RAVER1: variants seen among roughly 807,000 people sequenced by gnomAD.
RAVER1 encodes ribonucleoprotein, PTB binding 1, also known as ribonucleoprotein PTB-binding 1.
In RAVER1, 36 loss-of-function variants were observed where a neutral mutation model predicts 68.4. The ratio of observed to expected loss-of-function variants is 0.53; its 90% confidence interval spans 0.40 to 0.70. The LOEUF (loss-of-function observed/expected upper bound fraction) is 0.70. Ranked by LOEUF, RAVER1 falls within the 30% of genes least tolerant of loss-of-function variation. The pLI is 0.00. For synonymous variants in RAVER1, 469 were observed against 472.7 expected (o/e 0.99, Z 0.10); for missense variants, 933 against 1,019.8 (o/e 0.91, Z 1.16).
In RAVER1 at chr19:10,323,109, T is replaced by C. The variant is rs752633636; in HGVS notation, c.1078+36A>G. The C allele has an allele frequency of 6.6e-7, 1 of 1,518,004 alleles. No homozygotes were observed. The highest frequency in any genetic ancestry group is 8.9e-7 in the Non-Finnish European group (1 of 1,127,686). 94.0% of individuals were successfully genotyped at this position (1,518,004 alleles called of 1,614,324 possible). A position where few individuals can be genotyped will look rare whatever the true frequency, so the allele number is the denominator to read the frequency against. On this transcript the variant is annotated intron_variant, in intron 5 of 12. Coordinates refer to ENST00000617231, the MANE Select transcript of RAVER1 (RefSeq NM_133452.3). The surrounding 1 kb of genome is among the most constrained non-coding windows in gnomAD (Gnocchi z 6.2). ...CCGGGGGCAGCGCTGCAGCCCCTGTTCTGCACAGTGGGGCCCCTGTCCAGC... is the reference window on the plus strand; with the variant it reads ...CCGGGGGCAGCGCTGCAGCCCCTGTCCTGCACAGTGGGGCCCCTGTCCAGC...
rs758149546 is a variant in RAVER1 at position 10,322,638 on chromosome 19, G to A, written c.1173+7C>T. On this transcript the variant is annotated splice_region_variant and intron_variant, in intron 6 of 12. Coordinates refer to ENST00000617231, the MANE Select transcript of RAVER1 (RefSeq NM_133452.3). The surrounding 1 kb of genome is among the most constrained non-coding windows in gnomAD (Gnocchi z 4.3). ...AGAGCAGTGGGTGAGGGGGATGCGT[G>A]TGTTACCTTCTGGCCCTGGGTCTGC... 2 of 1,532,912 alleles carry A rather than the reference G, an allele frequency of 1.3e-6. No homozygotes were observed. Among genetic ancestry groups the A allele is most frequent in the East Asian group, 2.6e-5 (1 of 38,778 alleles). 95.0% of individuals were successfully genotyped at this position (1,532,912 alleles called of 1,614,324 possible).
Position 10,322,792 on chromosome 19 carries a change from A to G in RAVER1, c.1079-53T>C. ...GGGGTCCCTGTGTCCTCCCTGCCCCACCTCACGAAACACAGCCCTGAACCC... is the reference window on the plus strand; with the variant it reads ...GGGGTCCCTGTGTCCTCCCTGCCCCGCCTCACGAAACACAGCCCTGAACCC... On this transcript the variant is annotated intron_variant, in intron 5 of 12. Coordinates refer to ENST00000617231, the MANE Select transcript of RAVER1 (RefSeq NM_133452.3). The surrounding 1 kb of genome is among the most constrained non-coding windows in gnomAD (Gnocchi z 4.3). 9.3e-7 allele frequency: 1 copy of G among 1,073,516 alleles called. No individual in the cohort carries two copies. The highest frequency in any genetic ancestry group is 1.3e-6 in the Non-Finnish European group (1 of 783,580). 66.5% of individuals were successfully genotyped at this position (1,073,516 alleles called of 1,614,324 possible).
At chr19:10,325,323 C>G (rs958218627) in intron 3 of RAVER1, among the ~76,000 whole-genome samples, 4 of 152,206 alleles carry the variant, frequency 2.6e-5, no homozygotes, top group Non-Finnish European at 4.4e-5. Flanking sequence ...CTCCCAGGTT[C>G]AGGTGATTCT....
chr19:10,319,215 G>A lies in RAVER1; in HGVS notation c.1796C>T (p.Ser599Phe). 6.2e-7 allele frequency: 1 copy of A among 1,613,836 alleles called. No homozygotes were observed. Among genetic ancestry groups the A allele is most frequent in the Non-Finnish European group, 8.5e-7 (1 of 1,179,752 alleles). Residue 599 changes from serine to phenylalanine, a missense_variant, in exon 10 of 13, where the codon TCC (serine) becomes TTC (phenylalanine). Coordinates refer to ENST00000617231, the MANE Select transcript of RAVER1 (RefSeq NM_133452.3). ...CCCAAGGGCTGGTTCCCGTGGGTGGGAGAAGAGCCGCCGAGGTCCCATGTC... is the reference window on the plus strand; with the variant it reads ...CCCAAGGGCTGGTTCCCGTGGGTGGAAGAAGAGCCGCCGAGGTCCCATGTC... ...PSDMGPRRLF[S>F]HPREPALGPH...
intron 3 of RAVER1, among the ~76,000 whole-genome samples, chr19:10,327,979 T>C (rs2040486638): frequency 6.6e-6 from 1 of 151,486 alleles, no homozygotes; most frequent in Non-Finnish European, 1.5e-5. Context: ...ATTGAGTCCC[T>C]GCTTATGGAG....
Position 10,321,549 on chromosome 19 carries a change from G to C in RAVER1, c.1243C>G (p.Leu415Val), listed in dbSNP as rs372761098. 3.6e-5 allele frequency: 49 copies of C among 1,366,746 alleles called. No homozygotes were observed. In the African/African-American group the frequency reaches 7.0e-4, roughly 20 times the overall value. 84.7% of individuals were successfully genotyped at this position (1,366,746 alleles called of 1,614,324 possible). The change falls in exon 7 of 13, where the codon CTC becomes GTC. Residue 415 changes from leucine to valine, a missense_variant. Transcript: ENST00000617231. ...QPGAQPANPL[L>V]GELPAGGGLP... ...GCGTTACCTGCAGGCAGCTCCCCGAGGAGGGGGTTGGCTGGCTGGGCCCCA... is the reference window on the plus strand; with the variant it reads ...GCGTTACCTGCAGGCAGCTCCCCGACGAGGGGGTTGGCTGGCTGGGCCCCA...
At position 10,323,528 on chromosome 19, in the gene RAVER1, C is replaced by T. The variant is rs538462353; in HGVS notation, c.795G>A (p.Ala265=). 1.9e-6 allele frequency: 3 copies of T among 1,604,354 alleles called. No homozygotes were observed. The highest frequency in any genetic ancestry group is 2.2e-5 in the East Asian group (1 of 44,774). ...CGQDGQLKGF[A]VLEYETAEMA... ...TCTCAGCCGTCTCATACTCCAGCAC[C>T]GCGAAGCCCTTCAGCTGCCCATCCT... The change falls in exon 4 of 13, where the codon GCG becomes GCA. Residue 265 remains alanine (A), a synonymous_variant. Transcript: ENST00000617231. The surrounding 1 kb of genome is among the most constrained non-coding windows in gnomAD (Gnocchi z 6.2).
In RAVER1 at chr19:10,330,541, G is replaced by A. The variant is rs1256200556; in HGVS notation, c.220-15C>T. ...TCATGTACTTCCTGTGGAGATACAA[G>A]ACAAAAGACAGGGAGTTACTGGAGA... is the stretch of plus-strand genomic sequence containing the variant. On this transcript the variant is annotated splice_polypyrimidine_tract_variant and intron_variant, in intron 1 of 12. Transcript: ENST00000617231. 7.5e-7 allele frequency: 1 copy of A among 1,332,634 alleles called. No individual in the cohort carries two copies. Among genetic ancestry groups the A allele is most frequent in the Non-Finnish European group, 1.1e-6 (1 of 944,208 alleles). The allele number at this position is 1,332,634 out of a possible 1,614,324, so 82.6% of individuals were successfully genotyped here. A position where few individuals can be genotyped will look rare whatever the true frequency, so the allele number is the denominator to read the frequency against.
At position 10,329,196 on chromosome 19, in the gene RAVER1, C is replaced by T. The variant is rs2040497154; in HGVS notation, c.287-85G>A. Reference sequence around the variant, plus strand: ...CCGCCACCCTGCAAACCAGGTGGGACCTCCAAATGCTGGGCATCTCAGGTG... The same window carrying T: ...CCGCCACCCTGCAAACCAGGTGGGATCTCCAAATGCTGGGCATCTCAGGTG... On this transcript the variant is annotated intron_variant, in intron 2 of 12. Coordinates refer to ENST00000617231, the MANE Select transcript of RAVER1 (RefSeq NM_133452.3). The surrounding 1 kb of genome is among the most constrained non-coding windows in gnomAD (Gnocchi z 4.6). 5.9e-6 allele frequency: 5 copies of T among 843,736 alleles called. No homozygotes were observed. Among genetic ancestry groups the T allele is most frequent in the Non-Finnish European group, 9.1e-6 (5 of 550,904 alleles). The allele number at this position is 843,736 out of a possible 1,614,324, so 52.3% of individuals were successfully genotyped here.
At chr19:10,321,318 C>T in intron 7 of RAVER1, 59 bp from the exon 8 acceptor site, 1 of 916,462 alleles carries the variant, frequency 1.1e-6, no homozygotes, top group Non-Finnish European at 1.5e-6. Context: ...TCCCCAGGGC[C>T]CTCCAGCTCC....
At position 10,328,979 on chromosome 19, in the gene RAVER1, G is replaced by A; in HGVS notation, c.419C>T (p.Pro140Leu). ...TDALLCVANL[P>L]PSLTQQQFEE... ...GAACTGCTGCTGTGTGAGGCTGGGG[G>A]GCAGGTTGGCCACACACAGCAGGGC... Residue 140 changes from proline to leucine, a missense_variant, in exon 3 of 13, where the codon CCC becomes CTC. Pro to Leu is a moderately conservative substitution (Grantham distance 98, BLOSUM62 -3). This residue lies in a region of RAVER1 where 211 missense variants were observed against 230.0 expected (regional missense o/e 0.92). Transcript: ENST00000617231. The surrounding 1 kb of genome is among the most constrained non-coding windows in gnomAD (Gnocchi z 4.4). 1 of 1,596,202 alleles carries A rather than the reference G, an allele frequency of 6.3e-7. No individual in the cohort carries two copies. Among genetic ancestry groups the A allele is most frequent in the South Asian group, 1.1e-5 (1 of 89,488 alleles).
At chr19:10,320,634 G>A in intron 9 of RAVER1, 21 bp downstream of exon 9, 1 of 1,541,364 alleles carries the variant, frequency 6.5e-7, no homozygotes, top group Non-Finnish European at 8.7e-7. Flanking sequence ...AGGGGACAGA[G>A]AGCTGCAGCC....
At chr19:10,327,850 T>C (rs2040485802) in intron 3 of RAVER1, among the ~76,000 whole-genome samples, 1 of 152,016 alleles carries the variant, frequency 6.6e-6, no homozygotes, top group South Asian at 2.1e-4. Flanking sequence ...TCTTAGAGAG[T>C]GAGTCTGGCC....
In RAVER1 at chr19:10,322,698, G is replaced by T; in HGVS notation, c.1120C>A (p.Pro374Thr). Residue 374 changes from proline (P) to threonine (T), a missense_variant, in exon 6 of 13, where the codon CCA becomes ACA. Around this residue, in one of 3 missense-constraint regions of RAVER1, gnomAD observed 699 missense variants for 731.1 expected, o/e 0.96. Transcript: ENST00000617231. This position sits in a 1 kb window ranked among gnomAD's most constrained non-coding sequence, Gnocchi z 4.3. ...APPAMPLLNG[P>T]ALSTALLQLA... ...TGCAACAGCGCCGTGGACAGGGCTG[G>T]CCCATTGAGCAGCGGCATGGCTGGG... The T allele has an allele frequency of 2.0e-6, 3 of 1,534,106 alleles. No individual in the cohort carries two copies. Among genetic ancestry groups the T allele is most frequent in the Non-Finnish European group, 2.6e-6 (3 of 1,151,134 alleles).
At position 10,317,002 on chromosome 19, in the gene RAVER1, G is replaced by A; in HGVS notation, c.*452C>T. ...ATCAGAGCTGGGGGCTGTCCGGGGT[G>A]GTTTGAAAAATAAAACTTAGAAAAG... On this transcript the variant is annotated 3_prime_UTR_variant, in exon 13 of 13. Coordinates refer to ENST00000617231, the MANE Select transcript of RAVER1 (RefSeq NM_133452.3). The surrounding 1 kb of genome is among the most constrained non-coding windows in gnomAD (Gnocchi z 4.3). 4.6e-6 allele frequency: 1 copy of A among 219,174 alleles called. No homozygotes were observed. Among genetic ancestry groups the A allele is most frequent in the Non-Finnish European group, 9.1e-6 (1 of 110,298 alleles). 13.6% of individuals were successfully genotyped at this position (219,174 alleles called of 1,614,324 possible).
In RAVER1 at chr19:10,317,316, G is replaced by C; in HGVS notation, c.*138C>G. 2.1e-6 allele frequency: 2 copies of C among 954,454 alleles called. No individual in the cohort carries two copies. Among genetic ancestry groups the C allele is most frequent in the Non-Finnish European group, 3.2e-6 (2 of 620,656 alleles). The allele number at this position is 954,454 out of a possible 1,614,324, so 59.1% of individuals were successfully genotyped here. On this transcript the variant is annotated 3_prime_UTR_variant, in exon 13 of 13. Transcript: ENST00000617231. This position sits in a 1 kb window ranked among gnomAD's most constrained non-coding sequence, Gnocchi z 4.3. ...CCCTTGGGCTCCTGGGGCTCCGGCT[G>C]ATTGGTCAGTAAAGTCTTTCAGAGA...
chr19:10,331,390 C>CAAAAA (rs1568314187), intron 1 of RAVER1, among the ~76,000 whole-genome samples: 12 of 31,748 alleles, frequency 3.8e-4, no homozygotes, highest in African/African-American at 1.1e-3. Context: ...AAAATAACAA[C>CAAAAA]AACAAAAAAA....
At position 10,317,668 on chromosome 19, in the gene RAVER1, T is replaced by A. The variant is rs769972620; in HGVS notation, c.2073+22A>T. On this transcript the variant is annotated intron_variant, in intron 12 of 12. Transcript: ENST00000617231. This position sits in a 1 kb window ranked among gnomAD's most constrained non-coding sequence, Gnocchi z 4.3. Reference sequence around the variant, plus strand: ...GGGGCCGGGGCTTCCCAGCCCTGCATGTCCCCACCCCCTGCCCGTACCTTC... The same window carrying A: ...GGGGCCGGGGCTTCCCAGCCCTGCAAGTCCCCACCCCCTGCCCGTACCTTC... 3 of 1,551,066 alleles carry A rather than the reference T, an allele frequency of 1.9e-6. No homozygotes were observed. The highest frequency in any genetic ancestry group is 3.8e-5 in the Admixed American group (2 of 52,876).
At position 10,321,609 on chromosome 19, in the gene RAVER1, T is replaced by C. The variant is rs375152836; in HGVS notation, c.1183A>G (p.Ile395Val). 3 of 1,412,232 alleles carry C rather than the reference T, an allele frequency of 2.1e-6. No individual in the cohort carries two copies. Among genetic ancestry groups the C allele is most frequent in the Non-Finnish European group, 2.8e-6 (3 of 1,078,830 alleles). 87.5% of individuals were successfully genotyped at this position (1,412,232 alleles called of 1,614,324 possible). The change falls in exon 7 of 13, where the codon ATC (isoleucine) becomes GTC (valine). Residue 395 changes from isoleucine (I) to valine (V), a missense_variant. This residue lies in a region of RAVER1 where 699 missense variants were observed against 731.1 expected (regional missense o/e 0.96). Transcript: ENST00000617231. ...LQTQGQKKPG[I>V]LGDSPLGALQ... ...GCGCCCAGGGGTGAGTCTCCCAGGATGCCGGGCTTCTAGGGACAGAGCACA... is the reference window on the plus strand; with the variant it reads ...GCGCCCAGGGGTGAGTCTCCCAGGACGCCGGGCTTCTAGGGACAGAGCACA...
Sources: allele counts gnomAD v4.1 joint callset (sites outside exome capture counted in the v4.1 genomes callset), GRCh38; gene constraint gnomAD v4.1.1; regional missense constraint gnomAD v4.1.1; non-coding constraint Gnocchi (gnomAD v3.1); transcripts MANE v1.5; gene names NCBI Gene and HGNC (gene_info 2026-07-23, HGNC 2026-07-21).